LMF2: variants seen among roughly 807,000 people sequenced by gnomAD.
LMF2 encodes the protein lipase maturation factor 2.
Under a neutral mutation model 81.5 loss-of-function variants are expected in LMF2, and 113 were observed. The observed-to-expected ratio is 1.39, with a 90% confidence interval of 1.19 to 1.62. The LOEUF (loss-of-function observed/expected upper bound fraction) is 1.62, where lower values mean the gene tolerates loss of function less well. Among genes scored for constraint, LMF2 ranks in the 40% most tolerant of loss-of-function variants. The probability of loss-of-function intolerance (pLI) is 0.00; values close to 1 mark genes in which losing one functional copy is unlikely to be tolerated. For missense variants in LMF2, 1,235 were observed against 929.1 expected, an observed-to-expected ratio of 1.33 and a Z score of -4.28; for synonymous variants, 645 against 424.5, an observed-to-expected ratio of 1.52 and a Z score of -6.39.
chr22:50,504,505 TCCCCA>T, intron 11 of LMF2, 49 bp downstream of exon 11: 1 of 495,194 alleles, frequency 2.0e-6, no homozygotes, highest in South Asian at 2.5e-5. Context: ...GCCCCTCCCC[TCCCCA>T]CCCCGCTCCA....
At chr22:50,504,297 C>T in intron 12 of LMF2, 43 bp downstream of exon 12, 1 of 1,444,328 alleles carries the variant, frequency 6.9e-7, no homozygotes, top group Non-Finnish European at 9.6e-7. Context: ...CGGCCTTACC[C>T]CTGCACCCCG....
chr22:50,504,939 T>C lies in LMF2; in HGVS notation c.1300A>G (p.Thr434Ala), dbSNP rs2068517155. 2 of 1,607,334 alleles carry C rather than the reference T, an allele frequency of 1.2e-6. No homozygotes were observed. Among genetic ancestry groups the C allele is most frequent in the East Asian group, 2.2e-5 (1 of 44,610 alleles). Residue 434 changes from threonine (T) to alanine (A), a missense_variant, in exon 10 of 14, where the codon ACC becomes GCC. Physicochemically the swap from Thr to Ala is moderately conservative, Grantham distance 58. Transcript: ENST00000474879. ...GCACCAAACAGGCGGTGGGCCCCGG[T>C]CCAGAGGCGCCCGTGGGTCCCGGGC... ...VEPGTHGRLW[T>A]GAHRLFGAVE...
At position 50,504,564 on chromosome 22, in the gene LMF2, T is replaced by C; in HGVS notation, c.1601A>G (p.Glu534Gly). Residue 534 changes from glutamate (E) to glycine (G), a missense_variant, in exon 11 of 14, where the codon GAG becomes GGG. Physicochemically the swap from Glu to Gly is moderately conservative, Grantham distance 98 (BLOSUM62 -2). Transcript: ENST00000474879. Reference protein sequence around the residue: ...SLVLRLLQGKEPVIRLVQSQV... With the variant: ...SLVLRLLQGKGPVIRLVQSQV... ...CCCCCAAGCCCGCTCCGCACCTGGCTCCTTGCCCTGCAGCAGGCGCAAGAC... is the reference window on the plus strand; with the variant it reads ...CCCCCAAGCCCGCTCCGCACCTGGCCCCTTGCCCTGCAGCAGGCGCAAGAC... 6.6e-7 allele frequency: 1 copy of C among 1,507,602 alleles called. No homozygotes were observed. Among genetic ancestry groups the C allele is most frequent in the African/African-American group, 1.5e-5 (1 of 67,810 alleles). 93.4% of individuals were successfully genotyped at this position (1,507,602 alleles called of 1,614,324 possible). A position where few individuals can be genotyped will look rare whatever the true frequency, so the allele number is the denominator to read the frequency against.
intron 11 of LMF2, 25 bp downstream of exon 11, chr22:50,504,534 C>T (rs777755418): frequency 1.3e-6 from 2 of 1,538,882 alleles, no homozygotes; most frequent in African/African-American, 2.7e-5. Context: ...CAGCCCACTC[C>T]ACACCCCCCA....
rs1021918944 is a variant in LMF2 at position 50,506,578 on chromosome 22, C to G, written c.377+60G>C. On this transcript the variant is annotated intron_variant, in intron 3 of 13. Transcript: ENST00000474879. ...CCTCGGAAAGTCCTCCCAGGAAGGG[C>G]AGAGCCCTCCCCCACCCCCTACCCA... 1.9e-6 allele frequency: 3 copies of G among 1,594,914 alleles called. No homozygotes were observed. In the African/African-American group the frequency reaches 4.0e-5, roughly 21 times the overall value.
intron 1 of LMF2, chr22:50,507,362 C>T (rs1238334525): frequency 8.2e-6 from 5 of 610,336 alleles, no homozygotes; most frequent in Non-Finnish European, 1.2e-5. Flanking sequence ...AGAGTTCTGT[C>T]CCCCACCCCA....
rs1398660130 is a variant in LMF2, at chr22:50,503,075, A to T, written c.*316T>A. 2.9e-6 allele frequency: 1 copy of T among 342,110 alleles called. No homozygotes were observed. Among genetic ancestry groups the T allele is most frequent in the African/African-American group, 2.2e-5 (1 of 46,184 alleles). The allele number at this position is 342,110 out of a possible 1,614,324, so 21.2% of individuals were successfully genotyped here. On this transcript the variant is annotated 3_prime_UTR_variant, in exon 14 of 14. Transcript: ENST00000474879. ...GGGAGTCAGCCTCTTCCCCTCTGGC[A>T]CGGGGCCTAGGGTTGGGGGCTCTAG...
In LMF2 at chr22:50,507,005, G is replaced by C. The variant is rs759308692; in HGVS notation, c.125C>G (p.Ala42Gly). Residue 42 changes from alanine to glycine, a missense_variant, in exon 2 of 14, where the codon GCA becomes GGA. Physicochemically the swap from Ala to Gly is moderately conservative, Grantham distance 60. Transcript: ENST00000474879. ...GLYGPEGILP[A>G]RRTLRPQGKG... ...GCCCTGAGGCCGCAGCGTCCTCCTT[G>C]CAGGTAGGATGCCCTCGGGGCCATA... The C allele has an allele frequency of 3.8e-6, 6 of 1,596,302 alleles. No homozygotes were observed. Among genetic ancestry groups the C allele is most frequent in the Admixed American group, 1.7e-5 (1 of 59,458 alleles).
intron 12 of LMF2, 39 bp from the exon 13 acceptor site, chr22:50,503,943 C>A (rs200063413): frequency 6.4e-6 from 10 of 1,567,322 alleles, no homozygotes; most frequent in Non-Finnish European, 8.7e-6. Context: ...GGAGGCACCC[C>A]GGGCTCCATA....
In LMF2 at chr22:50,506,222, G is replaced by A. The variant is rs1267631423; in HGVS notation, c.596-9C>T. 1.4e-5 allele frequency: 22 copies of A among 1,551,806 alleles called. No homozygotes were observed. The highest frequency in any genetic ancestry group is 2.7e-5 in the African/African-American group (2 of 73,204). On this transcript the variant is annotated splice_polypyrimidine_tract_variant and intron_variant, in intron 4 of 13. Transcript: ENST00000474879. ...GTAGTGGTAGGTGAGGGCTGCAGGC[G>A]AGGGCAGGAGTCAGGGCTGGCCGAG...
intron 5 of LMF2, 64 bp downstream of exon 5, chr22:50,505,971 C>T (rs571259650): frequency 2.9e-5 from 45 of 1,553,896 alleles, no homozygotes; most frequent in African/African-American, 2.7e-4. Context: ...CAACAGGGCA[C>T]GCTGAGCAGC....
Position 50,505,180 on chromosome 22 carries a change from G to A in LMF2, c.1158-27C>T, listed in dbSNP as rs762651305. On this transcript the variant is annotated intron_variant, in intron 8 of 13. Transcript: ENST00000474879. ...TGTGGGCAAGGACCCAAGGTCGTCA[G>A]GCCGGCCCTGCACACCTGTGCCCCC... 10 of 1,612,670 alleles carry A rather than the reference G, an allele frequency of 6.2e-6. No homozygotes were observed. The East Asian group carries it at 1.3e-4, about 22-fold the overall frequency.
Position 50,506,854 on chromosome 22 carries a change from G to A in LMF2, c.276C>T (p.Ala92=). ...SLLGALVALG[A]LLLSPLRHPV... is the part of the protein sequence containing the mutation. ...GGTGGCGCAGTGGGCTCAGCAGCAG[G>A]GCTCCCAGGGCCACTAGTGCACCCA... is the stretch of plus-strand genomic sequence containing the variant. The change falls in exon 2 of 14, where the codon GCC becomes GCT. Residue 92 remains alanine, a synonymous_variant. Transcript: ENST00000474879. The A allele has an allele frequency of 6.3e-7, 1 of 1,594,558 alleles. No homozygotes were observed. The highest frequency in any genetic ancestry group is 8.5e-7 in the Non-Finnish European group (1 of 1,170,852).
chr22:50,503,895 C>T lies in LMF2; in HGVS notation c.1728G>A (p.Trp576Ter), dbSNP rs1177094022. Residue 576 changes from tryptophan (W) to a stop codon, truncating the protein, a stop_gained, in exon 13 of 14, where the codon TGG becomes TGA. Transcript: ENST00000474879. LOFTEE classifies it high-confidence loss of function. ...AGAACTCCTCCACCCACTGGCGCCG[C>T]CACCACTGGCTGCAGCAGGACCCGA... The part of the protein sequence containing the change: ...FSQPGEQGQW[W>*]RRQWVEEFFP... The T allele has an allele frequency of 1.2e-6, 2 of 1,604,996 alleles. No homozygotes were observed. Among genetic ancestry groups the T allele is most frequent in the African/African-American group, 1.3e-5 (1 of 74,930 alleles).
In LMF2 at chr22:50,504,835, C is replaced by A; in HGVS notation, c.1404G>T (p.Val468=). 1 of 1,609,320 alleles carries A rather than the reference C, an allele frequency of 6.2e-7. No homozygotes were observed. Among genetic ancestry groups the A allele is most frequent in the South Asian group, 1.1e-5 (1 of 90,994 alleles). ...GGTGGCCGTCGTAACTGCCCTCCAG[C>A]ACCACCTCAGGCCGTCCACCAAGCC... is the stretch of plus-strand genomic sequence containing the variant. The part of the protein sequence containing the change: ...MTGLGGRPEV[V]LEGSYDGHHW... The change falls in exon 10 of 14, where the codon GTG becomes GTT. Residue 468 remains valine (V), a synonymous_variant. Coordinates refer to ENST00000474879, the MANE Select transcript of LMF2 (RefSeq NM_033200.3).
In LMF2 at chr22:50,505,399, T is replaced by C. The variant is rs1417265790; in HGVS notation, c.1051+4A>G. ...CCCTCTGGCCCCCCCAGGTCGGCAC[T>C]CACTGGTTCTGGAGTGGATGGTGCG... On this transcript the variant is annotated splice_donor_region_variant and intron_variant, in intron 7 of 13. Transcript: ENST00000474879. The C allele has an allele frequency of 6.2e-7, 1 of 1,613,200 alleles. No individual in the cohort carries two copies. The highest frequency in any genetic ancestry group is 1.7e-5 in the Admixed American group (1 of 60,030).
intron 12 of LMF2, 54 bp from the exon 13 acceptor site, chr22:50,503,958 ATCG>A (rs2068476803): frequency 6.8e-7 from 1 of 1,464,106 alleles, no homozygotes; most frequent in African/African-American, 1.5e-5. Flanking sequence ...TCCATACCCC[ATCG>A]CCAGTGCCCA....
At chr22:50,505,990 C>A (rs1023474844) in intron 5 of LMF2, 45 bp downstream of exon 5, 5 of 1,563,196 alleles carry the variant, frequency 3.2e-6, no homozygotes, top group Non-Finnish European at 3.5e-6. Flanking sequence ...GCGCTGAAGG[C>A]CGAGCCCTGT....
chr22:50,505,383 C>G lies in LMF2; in HGVS notation c.1051+20G>C, dbSNP rs766691173. On this transcript the variant is annotated intron_variant, in intron 7 of 13. Transcript: ENST00000474879. ...GACTGGTCCGCCCCTGCCCTCTGGCCCCCCCAGGTCGGCACTCACTGGTTC... is the reference window on the plus strand; with the variant it reads ...GACTGGTCCGCCCCTGCCCTCTGGCGCCCCCAGGTCGGCACTCACTGGTTC... The G allele has an allele frequency of 4.3e-6, 7 of 1,613,102 alleles. No individual in the cohort carries two copies. In the Admixed American group the frequency reaches 1.0e-4, roughly 23 times the overall value.
Sources: allele counts gnomAD v4.1 joint callset, GRCh38; gene constraint gnomAD v4.1.1; transcripts MANE v1.5; gene names NCBI Gene and HGNC (gene_info 2026-07-23, HGNC 2026-07-21).